TANC2: variants seen among roughly 807,000 people sequenced by gnomAD.
TANC2 encodes the protein protein TANC2.
TANC2 carries 26 observed loss-of-function variants against 210.5 expected under a neutral mutation model. That is an observed-to-expected ratio of 0.12 (90% CI 0.09 to 0.17). TANC2 has a LOEUF of 0.17. Among genes scored for constraint, TANC2 ranks in the 10% least tolerant of loss-of-function variants. The probability of loss-of-function intolerance (pLI) is 1.00; values close to 1 mark genes in which losing one functional copy is unlikely to be tolerated. For synonymous variants in TANC2, 931 were observed against 967.1 expected (o/e 0.96, Z 0.69); for missense variants, 2,129 against 2,608.9 (o/e 0.82, Z 4.01).
intron 10 of TANC2, among the ~76,000 whole-genome samples, chr17:63,318,245 A>G (rs1319890953): frequency 1.3e-5 from 2 of 152,230 alleles, no homozygotes; most frequent in African/African-American, 2.4e-5. Context: ...TTATTCATAA[A>G]TATAGCCTAT....
intron 3 of TANC2, among the ~76,000 whole-genome samples, chr17:63,095,280 A>T (rs2037345076): frequency 6.6e-6 from 1 of 151,808 alleles, no homozygotes; most frequent in Non-Finnish European, 1.5e-5. Flanking sequence ...GGCTCAATTG[A>T]TCCTCCTACT....
intron 5 of TANC2, among the ~76,000 whole-genome samples, chr17:63,183,893 T>G (rs2040880596): frequency 2.6e-5 from 4 of 152,044 alleles, no homozygotes; most frequent in Admixed American, 2.6e-4. Flanking sequence ...GGCGGGCACC[T>G]GTAGTCCCAG....
intron 2 of TANC2, among the ~76,000 whole-genome samples, chr17:63,032,418 A>G (rs1394727567): frequency 2.6e-5 from 4 of 152,038 alleles, no homozygotes; most frequent in African/African-American, 9.7e-5. Flanking sequence ...TATGGGAGTG[A>G]GAGTTTTTAA....
At position 63,421,195 on chromosome 17, in the gene TANC2, C is replaced by T; in HGVS notation, c.5465C>T (p.Ser1822Phe). The T allele has an allele frequency of 6.2e-7, 1 of 1,614,030 alleles. No homozygotes were observed. The highest frequency in any genetic ancestry group is 8.5e-7 in the Non-Finnish European group (1 of 1,179,896). The change falls in exon 28 of 28, where the codon TCC (serine) becomes TTC (phenylalanine). Residue 1822 changes from serine to phenylalanine, a missense_variant. This residue lies in a region of TANC2 where 584 missense variants were observed against 627.3 expected (regional missense o/e 0.93). Transcript: ENST00000689528. This position sits in a 1 kb window ranked among gnomAD's most constrained non-coding sequence, Gnocchi z 6.9. ...CACTCAAAACTAGATCTGGAGCGCTCCTCCAGCCAACTAGGTTCCCCTGAT... is the reference window on the plus strand; with the variant it reads ...CACTCAAAACTAGATCTGGAGCGCTTCTCCAGCCAACTAGGTTCCCCTGAT...
exon 22 of TANC2, chr17:63,411,542 A>C (rs774129185): frequency 6.2e-6 from 10 of 1,613,282 alleles, no homozygotes; most frequent in Non-Finnish European, 8.5e-6. Flanking sequence ...ACAAAGAAGG[A>C]TTGACAGCCC....
exon 28 of TANC2, chr17:63,423,099 G>A (rs1011646031): frequency 3.9e-5 from 6 of 152,206 alleles, no homozygotes; most frequent in African/African-American, 4.8e-5. Context: ...CCAGGGTCAT[G>A]CCCGTTGTTG....
In TANC2 at chr17:63,217,985, C is replaced by CA. The variant is rs371382046; in HGVS notation, c.769+17038dup. ...AAACTGTATGATCATCTGATAAATA[C>CA]AAAAAAAAAACAGCATTGGTTAGGC... is the stretch of plus-strand genomic sequence containing the variant. On this transcript the variant is annotated intron_variant, in intron 7 of 27. Transcript: ENST00000689528. Among the ~76,000 whole-genome samples, 648 of 144,642 alleles carry CA rather than the reference C, an allele frequency of 4.5e-3. 5 individuals are homozygous for CA. The highest frequency in any genetic ancestry group is 0.023 in the East Asian group (113 of 5,002). The allele number at this position is 144,642 out of a possible 152,430, so 94.9% of individuals were successfully genotyped here.
rs780101458 is a variant in TANC2, at chr17:63,351,445, A to G, written c.1974+29A>G. 8.5e-6 allele frequency: 13 copies of G among 1,537,312 alleles called. No individual in the cohort carries two copies. The South Asian group carries it at 1.6e-4, about 18-fold the overall frequency. ...TGTGTTTGTTTGCTTTTAAACCATA[A>G]ATGATTCCTCTTGGAAAGAGCTTAG... On this transcript the variant is annotated intron_variant, in intron 13 of 27. Coordinates refer to ENST00000689528, the Ensembl canonical transcript of TANC2.
chr17:63,364,180 C>G (rs1156923061), intron 14 of TANC2, among the ~76,000 whole-genome samples: 2 of 152,172 alleles, frequency 1.3e-5, no homozygotes, highest in African/African-American at 4.8e-5. Context: ...TACATGAACT[C>G]TAATATATAT....
chr17:63,263,991 A>G (rs1239138575), intron 8 of TANC2, among the ~76,000 whole-genome samples: 1 of 152,092 alleles, frequency 6.6e-6, no homozygotes, highest in African/African-American at 2.4e-5. Flanking sequence ...ATTTGTACCC[A>G]CTCATCTCAG....
chr17:63,427,100 A>T (rs892582698), exon 28 of TANC2: 1 of 152,200 alleles, frequency 6.6e-6, no homozygotes, highest in Non-Finnish European at 1.5e-5. Context: ...CCTTTGGCTG[A>T]TTCCTGCTGA....
At chr17:63,397,210 G>T (rs1263621032) in intron 18 of TANC2, among the ~76,000 whole-genome samples, 1 of 152,158 alleles carries the variant, frequency 6.6e-6, no homozygotes, top group Non-Finnish European at 1.5e-5. Context: ...GGGAGGTGGA[G>T]GTTGCAGTGA....
intron 5 of TANC2, among the ~76,000 whole-genome samples, chr17:63,160,511 T>G (rs1348501882): frequency 6.6e-6 from 1 of 152,248 alleles, no homozygotes; most frequent in Non-Finnish European, 1.5e-5. Context: ...TGGTAGGGCA[T>G]TTCATTATAT....
chr17:63,379,108 G>A (rs1215059740), intron 14 of TANC2, among the ~76,000 whole-genome samples: 2 of 152,192 alleles, frequency 1.3e-5, no homozygotes, highest in Non-Finnish European at 2.9e-5. Context: ...ATTTAAGCAT[G>A]GGTGGAATGA....
intron 15 of TANC2, among the ~76,000 whole-genome samples, chr17:63,384,840 A>ATGGTTT (rs1377095394): frequency 9.9e-5 from 15 of 152,204 alleles, no homozygotes; most frequent in African/African-American, 3.6e-4. Context: ...TTGGAATTAA[A>ATGGTTT]GGTAAAGGGA....
intron 26 of TANC2, among the ~76,000 whole-genome samples, chr17:63,417,607 C>A (rs1244586787): frequency 6.6e-6 from 1 of 152,128 alleles, no homozygotes; most frequent in African/African-American, 2.4e-5. Flanking sequence ...AGAGAAGCCT[C>A]TGTGAAATAG....
chr17:63,080,463 T>G (rs1319627768), intron 3 of TANC2, among the ~76,000 whole-genome samples: 1 of 152,240 alleles, frequency 6.6e-6, no homozygotes, highest in Non-Finnish European at 1.5e-5. Context: ...ACTGGTGTAA[T>G]GATGTCCACG....
At chr17:63,046,198 T>C (rs1346725507) in intron 2 of TANC2, among the ~76,000 whole-genome samples, 3 of 151,726 alleles carry the variant, frequency 2.0e-5, no homozygotes, top group Non-Finnish European at 4.4e-5. Context: ...CTCACTCTGT[T>C]GCCCAGGCTG....
At chr17:62,967,081 A>G (rs2031388137) in intron 1 of TANC2, 1 of 152,212 alleles carries the variant, frequency 6.6e-6, no homozygotes, top group South Asian at 2.1e-4. Context: ...GAGTTGCAAA[A>G]TGTGCCCCCA....
Sources: allele counts gnomAD v4.1 joint callset (sites outside exome capture counted in the v4.1 genomes callset), GRCh38; gene constraint gnomAD v4.1.1; regional missense constraint gnomAD v4.1.1; non-coding constraint Gnocchi (gnomAD v3.1); transcripts MANE v1.5; gene names NCBI Gene and HGNC (gene_info 2026-07-23, HGNC 2026-07-21).